PPP4R4: variants seen among roughly 807,000 people sequenced by gnomAD.
The protein encoded by PPP4R4 is serine/threonine-protein phosphatase 4 regulatory subunit 4.
In PPP4R4, 70 loss-of-function variants were observed where a neutral mutation model predicts 121.8. That is an observed-to-expected ratio of 0.57 (90% CI 0.47 to 0.70). PPP4R4 has a LOEUF of 0.70. PPP4R4 is among the 30% of genes least tolerant of loss of function. The pLI, the probability that PPP4R4 is intolerant of heterozygous loss-of-function variation, is 0.00. For synonymous variants in PPP4R4, 348 were observed against 355.7 expected (o/e 0.98, Z 0.24); for missense variants, 875 against 1,033.6 (o/e 0.85, Z 2.10).
At chr14:94,193,061 A>G (rs902288790) in intron 2 of PPP4R4, among the ~76,000 whole-genome samples, 2 of 152,236 alleles carry the variant, frequency 1.3e-5, no homozygotes, top group Non-Finnish European at 2.9e-5. Context: ...GCTTTAGGCA[A>G]TATCGTAAAC....
intron 2 of PPP4R4, among the ~76,000 whole-genome samples, chr14:94,193,034 A>G (rs1024649055): frequency 1.3e-5 from 2 of 152,218 alleles, no homozygotes; most frequent in African/African-American, 4.8e-5. Flanking sequence ...TGAGAGATCA[A>G]AGATGTTTCT....
intron 5 of PPP4R4, 66 bp from the exon 6 acceptor site, chr14:94,233,587 T>C: frequency 1.0e-6 from 1 of 970,222 alleles, no homozygotes; most frequent in Non-Finnish European, 1.6e-6. Context: ...TCTGAAGGAA[T>C]AGCTGACATG....
chr14:94,253,295 A>T (rs575606281), intron 16 of PPP4R4, among the ~76,000 whole-genome samples: 3 of 152,268 alleles, frequency 2.0e-5, no homozygotes, highest in Non-Finnish European at 1.5e-5. Flanking sequence ...CCCCATCTCT[A>T]CTAAAAATAC....
intron 19 of PPP4R4, among the ~76,000 whole-genome samples, chr14:94,264,546 A>G (rs2896267): frequency 0.21 from 31,650 of 152,086 alleles, 3,844 homozygotes; most frequent in East Asian, 0.59. Flanking sequence ...TTATTTAGCC[A>G]TTTACCAATC....
At chr14:94,250,690 A>G (rs962947163) in intron 15 of PPP4R4, among the ~76,000 whole-genome samples, 4 of 151,966 alleles carry the variant, frequency 2.6e-5, no homozygotes, top group Non-Finnish European at 1.5e-5. Flanking sequence ...TATTAATTTG[A>G]TGAGCCTAGT....
intron 16 of PPP4R4, among the ~76,000 whole-genome samples, chr14:94,253,646 G>C (rs1893310444): frequency 6.6e-6 from 1 of 152,192 alleles, no homozygotes; most frequent in Non-Finnish European, 1.5e-5. Context: ...TCTCTACTTT[G>C]ATCAGTGTAA....
chr14:94,230,320 G>A (rs1331358747), intron 3 of PPP4R4, among the ~76,000 whole-genome samples: 2 of 152,112 alleles, frequency 1.3e-5, no homozygotes, highest in Non-Finnish European at 2.9e-5. Context: ...AAAGGTTTAT[G>A]TACTGTTTAT....
intron 2 of PPP4R4, among the ~76,000 whole-genome samples, chr14:94,202,122 G>T (rs2139433335): frequency 6.6e-6 from 1 of 152,226 alleles, no homozygotes; most frequent in African/African-American, 2.4e-5. Context: ...AAAGGCATAA[G>T]AATGATACAG....
intron 3 of PPP4R4, among the ~76,000 whole-genome samples, chr14:94,229,900 C>T (rs921738093): frequency 2.6e-5 from 4 of 152,124 alleles, no homozygotes; most frequent in East Asian, 1.9e-4. Context: ...TTGAGGCTTA[C>T]GTAGAAAGAT....
intron 3 of PPP4R4, among the ~76,000 whole-genome samples, chr14:94,213,219 A>T (rs1342214439): frequency 6.6e-6 from 1 of 152,124 alleles, no homozygotes; most frequent in Non-Finnish European, 1.5e-5. Context: ...CTGAGTCCTC[A>T]CTCTTTACTA....
At chr14:94,223,238 T>G (rs1343681) in intron 3 of PPP4R4, among the ~76,000 whole-genome samples, 1,974 of 152,328 alleles carry the variant, frequency 0.013, 43 homozygotes, top group African/African-American at 0.045. Flanking sequence ...TTATATATGT[T>G]GATATTATTG....
intron 2 of PPP4R4, among the ~76,000 whole-genome samples, chr14:94,199,811 C>T (rs543022341): frequency 3.9e-5 from 6 of 152,200 alleles, no homozygotes; most frequent in Non-Finnish European, 5.9e-5. Flanking sequence ...CTCCTCTTGA[C>T]GGCCTCTTAA....
At chr14:94,223,042 T>C (rs1891502128) in intron 3 of PPP4R4, among the ~76,000 whole-genome samples, 1 of 152,184 alleles carries the variant, frequency 6.6e-6, no homozygotes, top group African/African-American at 2.4e-5. Flanking sequence ...TGTATTTATC[T>C]AGTCTAGAAT....
At chr14:94,178,310 C>A (rs1388170011) in intron 2 of PPP4R4, among the ~76,000 whole-genome samples, 1 of 151,500 alleles carries the variant, frequency 6.6e-6, no homozygotes, top group Non-Finnish European at 1.5e-5. Flanking sequence ...TTTACCTTTT[C>A]CTCTGCATTG....
Position 94,207,067 on chromosome 14 carries a change from A to G in PPP4R4, c.192-1397A>G, listed in dbSNP as rs550564422. Among the ~76,000 whole-genome samples, 36 of 152,086 alleles carry G rather than the reference A, an allele frequency of 2.4e-4. 1 individual carries two copies. In the Middle Eastern group the frequency reaches 0.01, roughly 43 times the overall value. On this transcript the variant is annotated intron_variant, in intron 2 of 24. Transcript: ENST00000304338. ...AGTTTTTCTTTTAAGGACACTTGCT[A>G]TTGGATTTAGGGCCTAGATAGTTTG...
intron 15 of PPP4R4, 70 bp downstream of exon 15, chr14:94,250,347 C>T: frequency 2.0e-6 from 2 of 987,078 alleles, no homozygotes; most frequent in Admixed American, 1.9e-5. Flanking sequence ...TTATGTCTAA[C>T]TTATGTATCA....
intron 2 of PPP4R4, among the ~76,000 whole-genome samples, chr14:94,195,441 T>A (rs1271184549): frequency 2.0e-5 from 3 of 152,230 alleles, no homozygotes; most frequent in African/African-American, 7.2e-5. Flanking sequence ...GTCACTGACT[T>A]AATATATTTC....
chr14:94,251,069 C>T (rs80243129), intron 15 of PPP4R4, among the ~76,000 whole-genome samples: 2,922 of 151,916 alleles, frequency 0.019, 91 homozygotes, highest in African/African-American at 0.066. Context: ...TATTTTAATT[C>T]GGTTTTCATT....
At chr14:94,256,134 C>A (rs1436867929) in intron 16 of PPP4R4, among the ~76,000 whole-genome samples, 1 of 152,200 alleles carries the variant, frequency 6.6e-6, no homozygotes, top group African/African-American at 2.4e-5. Flanking sequence ...TAATCCCCTG[C>A]CCCTGGTACT....
Sources: gnomAD v4.1 joint callset for allele counts (sites outside exome capture counted in the v4.1 genomes callset) on GRCh38, gnomAD v4.1.1 for gene constraint, MANE v1.5 for transcripts, NCBI Gene and HGNC (gene_info 2026-07-23, HGNC 2026-07-21) for gene names.